PSD3: variants seen among roughly 807,000 people sequenced by gnomAD.
PSD3 encodes the protein pleckstrin and Sec7 domain containing 3.
PSD3 carries 49 observed loss-of-function variants against 105.5 expected under a neutral mutation model. The observed-to-expected ratio is 0.46, with a 90% confidence interval of 0.37 to 0.59. The LOEUF (loss-of-function observed/expected upper bound fraction) is 0.59, where lower values mean the gene tolerates loss of function less well. Ranked by LOEUF, PSD3 falls within the 20% of genes least tolerant of loss-of-function variation. The pLI, the probability that PSD3 is intolerant of heterozygous loss-of-function variation, is 0.00. For synonymous variants in PSD3, 557 were observed against 457.8 expected, an observed-to-expected ratio of 1.22 and a Z score of -2.77; for missense variants, 1,561 against 1,263.8, an observed-to-expected ratio of 1.24 and a Z score of -3.57.
At chr8:18,921,337 C>T (rs781632601) in intron 2 of PSD3, among the ~76,000 whole-genome samples, 1 of 152,176 alleles carries the variant, frequency 6.6e-6, no homozygotes, top group Non-Finnish European at 1.5e-5. Flanking sequence ...TCTTTTAAAA[C>T]ACAATGGTTC....
intron 8 of PSD3, among the ~76,000 whole-genome samples, chr8:18,775,662 T>G (rs12550694): frequency 6.6e-6 from 1 of 152,186 alleles, no homozygotes; most frequent in Middle Eastern, 3.2e-3. Flanking sequence ...ATCAAAAATT[T>G]TGCCCATTTT....
chr8:18,554,129 T>C (rs539950467), intron 15 of PSD3, among the ~76,000 whole-genome samples: 6 of 152,288 alleles, frequency 3.9e-5, no homozygotes, highest in African/African-American at 1.4e-4. Context: ...TTCCATGGCC[T>C]TGCAGCCACC....
intron 10 of PSD3, among the ~76,000 whole-genome samples, chr8:18,651,930 G>C (rs1222833654): frequency 2.6e-5 from 4 of 152,186 alleles, no homozygotes; most frequent in African/African-American, 9.6e-5. Flanking sequence ...AGAGGTTAAA[G>C]TACAGGGAAG....
chr8:18,973,254 G>A (rs1030648094), intron 1 of PSD3, among the ~76,000 whole-genome samples: 1 of 152,192 alleles, frequency 6.6e-6, no homozygotes, highest in African/African-American at 2.4e-5. Flanking sequence ...TCAAGATGGG[G>A]ATGATGACAT....
intron 2 of PSD3, among the ~76,000 whole-genome samples, chr8:18,925,953 A>C (rs1165852432): frequency 6.6e-6 from 1 of 152,210 alleles, no homozygotes; most frequent in East Asian, 1.9e-4. Flanking sequence ...GAAATGATAG[A>C]GTTTTTAATC....
intron 9 of PSD3, among the ~76,000 whole-genome samples, chr8:18,703,703 A>G (rs73666694): frequency 0.049 from 7,387 of 152,232 alleles, 506 homozygotes; most frequent in African/African-American, 0.15. Context: ...ATGGTGGCTA[A>G]CCTTTAGTTG....
At chr8:18,948,940 C>T (rs564890508) in intron 1 of PSD3, among the ~76,000 whole-genome samples, 2 of 151,862 alleles carry the variant, frequency 1.3e-5, no homozygotes, top group Non-Finnish European at 2.9e-5. Context: ...TTGGTGGCAA[C>T]TGTGTATTTA....
intron 4 of PSD3, among the ~76,000 whole-genome samples, chr8:18,837,184 A>C (rs13270430): frequency 0.066 from 10,047 of 152,162 alleles, 427 homozygotes; most frequent in South Asian, 0.16. Context: ...TATCACATGC[A>C]AAAACTCAAG....
chr8:18,747,790 G>C (rs1005838400), intron 9 of PSD3, among the ~76,000 whole-genome samples: 2 of 151,824 alleles, frequency 1.3e-5, no homozygotes, highest in East Asian at 1.9e-4. Flanking sequence ...TCCAAGAAAA[G>C]GCTATTTTTC....
chr8:18,828,905 G>T (rs185425815), intron 4 of PSD3, among the ~76,000 whole-genome samples: 116 of 152,070 alleles, frequency 7.6e-4, no homozygotes, highest in Non-Finnish European at 1.3e-3. Context: ...TCAAGATCAG[G>T]CTGGCCAACA....
chr8:18,894,170 C>T (rs1394941541), intron 2 of PSD3, among the ~76,000 whole-genome samples: 2 of 152,316 alleles, frequency 1.3e-5, no homozygotes, highest in Admixed American at 1.3e-4. Context: ...GTAATTCTGC[C>T]TTTCTTTTCC....
intron 2 of PSD3, among the ~76,000 whole-genome samples, chr8:18,910,724 G>T (rs1234015914): frequency 6.6e-6 from 1 of 151,042 alleles, no homozygotes; most frequent in Non-Finnish European, 1.5e-5. Flanking sequence ...AAAAGCTGTT[G>T]TGGTATGCCA....
chr8:19,004,888 T>C (rs1826579662), intron 1 of PSD3, among the ~76,000 whole-genome samples: 1 of 152,048 alleles, frequency 6.6e-6, no homozygotes, highest in African/African-American at 2.4e-5. Context: ...GCCATACATG[T>C]AAGACATGAC....
At position 18,527,536 on chromosome 8, in the gene PSD3, T is replaced by C. The variant is rs1052551378; in HGVS notation, c.*8207A>G. 2.6e-5 allele frequency: 4 copies of C among 152,640 alleles called. No homozygotes were observed. The highest frequency in any genetic ancestry group is 2.0e-4 in the Admixed American group (3 of 15,270). 9.5% of individuals were successfully genotyped at this position (152,640 alleles called of 1,614,324 possible). A position where few individuals can be genotyped will look rare whatever the true frequency, so the allele number is the denominator to read the frequency against. On this transcript the variant is annotated 3_prime_UTR_variant, in exon 16 of 16. Coordinates refer to ENST00000327040, the MANE Select transcript of PSD3 (RefSeq NM_015310.4). ...TGTACTCTATATATCACAGCTTCTA[T>C]ACATATCAGATGACTCACTTGTCTA...
chr8:18,928,732 C>T (rs548505546), intron 2 of PSD3, among the ~76,000 whole-genome samples: 43 of 148,856 alleles, frequency 2.9e-4, no homozygotes, highest in Middle Eastern at 3.5e-3. Context: ...TTCCTTGTTT[C>T]TTTCTTTCTT....
intron 8 of PSD3, among the ~76,000 whole-genome samples, chr8:18,791,321 T>G (rs1809698865): frequency 6.6e-6 from 1 of 151,950 alleles, no homozygotes; most frequent in Non-Finnish European, 1.5e-5. Context: ...CTGTCTGACT[T>G]CAAACTGTAC....
At chr8:18,919,181 G>A (rs910055089) in intron 2 of PSD3, among the ~76,000 whole-genome samples, 1 of 152,012 alleles carries the variant, frequency 6.6e-6, no homozygotes, top group African/African-American at 2.4e-5. Flanking sequence ...TCTCTTCCGG[G>A]GCTTCAGCTT....
intron 1 of PSD3, among the ~76,000 whole-genome samples, chr8:18,945,899 G>A (rs867194766): frequency 6.6e-6 from 1 of 152,194 alleles, no homozygotes; most frequent in Non-Finnish European, 1.5e-5. Flanking sequence ...GCTTGAACCC[G>A]GGAAGTGGAG....
intron 1 of PSD3, among the ~76,000 whole-genome samples, chr8:19,012,420 ATT>A (rs1182509981): frequency 6.6e-6 from 1 of 152,234 alleles, no homozygotes; most frequent in Non-Finnish European, 1.5e-5. Context: ...AGAAAGGATC[ATT>A]TCTTGGAAAA....
Sources: gnomAD v4.1 joint callset for allele counts (sites outside exome capture counted in the v4.1 genomes callset) on GRCh38, gnomAD v4.1.1 for gene constraint, MANE v1.5 for transcripts, NCBI Gene and HGNC (gene_info 2026-07-23, HGNC 2026-07-21) for gene names.